Variants in FSCN1 observed in about 807,000 individuals in gnomAD.
FSCN1 encodes fascin.
Under a neutral mutation model 39.7 loss-of-function variants are expected in FSCN1, and 10 were observed. That is an observed-to-expected ratio of 0.25 (90% CI 0.16 to 0.43). The LOEUF (loss-of-function observed/expected upper bound fraction) is 0.43, where lower values mean the gene tolerates loss of function less well. Among genes scored for constraint, FSCN1 ranks in the 20% least tolerant of loss-of-function variants. The pLI is 1.00. For synonymous variants in FSCN1, 322 were observed against 320.0 expected, an observed-to-expected ratio of 1.01 and a Z score of -0.07; for missense variants, 525 against 723.8, an observed-to-expected ratio of 0.73 and a Z score of 3.15.
Position 5,605,310 on chromosome 7 carries a change from G to A in FSCN1, c.1318G>A (p.Ala440Thr), listed in dbSNP as rs371109603. 173 of 1,613,704 alleles carry A rather than the reference G, an allele frequency of 1.1e-4. No individual in the cohort carries two copies. The highest frequency in any genetic ancestry group is 1.3e-4 in the Non-Finnish European group (159 of 1,179,800). ...ATACTGGACGGTGGGCAGTGACTCC[G>A]CGGTCACCAGCAGCGGCGACACTCC... ...GKYWTVGSDS[A>T]VTSSGDTPVD... is the part of the protein sequence containing the mutation. The change falls in exon 5 of 5, where the codon GCG becomes ACG. Residue 440 changes from alanine (A) to threonine (T), a missense_variant. By Grantham distance (58) the Ala-to-Thr change is moderately conservative. Transcript: ENST00000382361. This position sits in a 1 kb window ranked among gnomAD's most constrained non-coding sequence, Gnocchi z 6.9.
At chr7:5,597,861 G>T (rs1785759197) in intron 1 of FSCN1, among the ~76,000 whole-genome samples, 1 of 152,088 alleles carries the variant, frequency 6.6e-6, no homozygotes, top group Non-Finnish European at 1.5e-5. Flanking sequence ...GTACCCGTGG[G>T]CCCGGCACAG....
intron 1 of FSCN1, among the ~76,000 whole-genome samples, chr7:5,595,609 G>T (rs73334462): frequency 0.034 from 5,107 of 151,434 alleles, 274 homozygotes; most frequent in African/African-American, 0.12. Flanking sequence ...TGGCAGGTAT[G>T]GGGGGGGTGC....
intron 1 of FSCN1, among the ~76,000 whole-genome samples, chr7:5,595,225 G>A (rs1785709583): frequency 6.6e-6 from 1 of 152,188 alleles, no homozygotes; most frequent in Non-Finnish European, 1.5e-5. Flanking sequence ...TGGGGGTGAG[G>A]GTGGAGGCCT....
chr7:5,600,732 C>T (rs560622446), intron 1 of FSCN1, among the ~76,000 whole-genome samples: 381 of 151,610 alleles, frequency 2.5e-3, no homozygotes, highest in African/African-American at 9.0e-3. Context: ...TGGCTCACTG[C>T]AAGCTCCACC....
Position 5,605,058 on chromosome 7 carries a change from C to G in FSCN1, c.1280-214C>G, listed in dbSNP as rs1785909025. Among the ~76,000 whole-genome samples, 1 of 152,232 alleles carries G rather than the reference C, an allele frequency of 6.6e-6. No homozygotes were observed. The highest frequency in any genetic ancestry group is 6.5e-5 in the Admixed American group (1 of 15,278). On this transcript the variant is annotated intron_variant, in intron 4 of 4. Transcript: ENST00000382361. This position sits in a 1 kb window ranked among gnomAD's most constrained non-coding sequence, Gnocchi z 6.9. Reference sequence around the variant, plus strand: ...AAAGTGCTGGGATTACAGGCGTGAGCCACTGCGGCCGAGCAGAACACGTTC... The same window carrying G: ...AAAGTGCTGGGATTACAGGCGTGAGGCACTGCGGCCGAGCAGAACACGTTC...
intron 1 of FSCN1, among the ~76,000 whole-genome samples, chr7:5,600,820 A>AT (rs538743716): frequency 4.8e-4 from 70 of 145,580 alleles, no homozygotes; most frequent in East Asian, 1.2e-3. Flanking sequence ...TGCCCGGCTA[A>AT]TTTTTTTTTT....
intron 1 of FSCN1, chr7:5,594,473 C>G (rs1785694625): frequency 6.6e-6 from 1 of 152,462 alleles, no homozygotes; most frequent in African/African-American, 2.4e-5. Flanking sequence ...CGACTGGGTC[C>G]TCCCTCGCCC....
intron 1 of FSCN1, among the ~76,000 whole-genome samples, chr7:5,595,609 G>C (rs73334462): frequency 2.0e-5 from 3 of 151,334 alleles, no homozygotes; most frequent in African/African-American, 7.3e-5. Flanking sequence ...TGGCAGGTAT[G>C]GGGGGGGTGC....
chr7:5,600,920 C>G (rs1785817886), intron 1 of FSCN1, among the ~76,000 whole-genome samples: 1 of 132,830 alleles, frequency 7.5e-6, no homozygotes, highest in South Asian at 2.4e-4. Flanking sequence ...TCCCAAAGTG[C>G]TGGGATTACA....
At chr7:5,602,578 G>A (rs775843476) in intron 1 of FSCN1, among the ~76,000 whole-genome samples, 7 of 152,130 alleles carry the variant, frequency 4.6e-5, no homozygotes, top group Non-Finnish European at 1.0e-4. Context: ...AAAAAACGAG[G>A]CCATTTTCTT....
chr7:5,593,930 G>A (rs1785680181), intron 1 of FSCN1, 162 bp downstream of exon 1: 5 of 584,790 alleles, frequency 8.6e-6, no homozygotes, highest in South Asian at 2.1e-5. Flanking sequence ...GCCTGGAGGG[G>A]GCGAGGAGTG....
rs756533788 is a variant in FSCN1, at chr7:5,603,537, G to A, written c.1031G>A (p.Arg344His). 26 of 1,614,004 alleles carry A rather than the reference G, an allele frequency of 1.6e-5. No individual in the cohort carries two copies. In the Admixed American group the frequency reaches 2.5e-4, roughly 16 times the overall value. ...CYFDIEWRDR[R>H]ITLRASNGKF... The stretch of plus-strand genomic sequence containing the variant: ...TTTGACATCGAGTGGCGTGACCGGC[G>A]CATCACACTGAGGGCGTCCAATGGC... Residue 344 changes from arginine (R) to histidine (H), a missense_variant, in exon 3 of 5, where the codon CGC (arginine) becomes CAC (histidine). Transcript: ENST00000382361. The surrounding 1 kb of genome is among the most constrained non-coding windows in gnomAD (Gnocchi z 8.5).
intron 1 of FSCN1, among the ~76,000 whole-genome samples, chr7:5,597,805 G>C (rs1584300129): frequency 1.3e-5 from 2 of 152,098 alleles, no homozygotes; most frequent in Admixed American, 6.5e-5. Context: ...GCCACTGTGA[G>C]GGGAGGACAG....
rs1311879148 is a variant in FSCN1, at chr7:5,592,920, T to A, written c.-17T>A. ...CACCTCCCGGGGCCGCGCAGCGGCCTCTCGTCTACTGCCACCATGACCGCC... is the reference window on the plus strand; with the variant it reads ...CACCTCCCGGGGCCGCGCAGCGGCCACTCGTCTACTGCCACCATGACCGCC... On this transcript the variant is annotated 5_prime_UTR_variant, in exon 1 of 5. Coordinates refer to ENST00000382361, the MANE Select transcript of FSCN1 (RefSeq NM_003088.4). The surrounding 1 kb of genome is among the most constrained non-coding windows in gnomAD (Gnocchi z 5.3). 39 of 1,451,862 alleles carry A rather than the reference T, an allele frequency of 2.7e-5. No individual in the cohort carries two copies. The highest frequency in any genetic ancestry group is 4.3e-4 in the Middle Eastern group (2 of 4,604). The allele number at this position is 1,451,862 out of a possible 1,614,324, so 89.9% of individuals were successfully genotyped here.
At chr7:5,594,616 G>A (rs1197589308) in intron 1 of FSCN1, 1 of 152,068 alleles carries the variant, frequency 6.6e-6, no homozygotes, top group African/African-American at 2.4e-5. Flanking sequence ...GGGTCCCGAG[G>A]TTCCCCAGGA....
Position 5,603,233 on chromosome 7 carries a change from C to G in FSCN1, c.833-24C>G, listed in dbSNP as rs755124374. On this transcript the variant is annotated intron_variant, in intron 1 of 4. Transcript: ENST00000382361. This position sits in a 1 kb window ranked among gnomAD's most constrained non-coding sequence, Gnocchi z 8.5. Reference sequence around the variant, plus strand: ...ACTAGGGGGCGTGGGGCCCCAGTACCAGCCCAAGGCCTCCTCTCTGCAGGT... The same window carrying G: ...ACTAGGGGGCGTGGGGCCCCAGTACGAGCCCAAGGCCTCCTCTCTGCAGGT... The G allele has an allele frequency of 1.9e-6, 3 of 1,610,834 alleles. No homozygotes were observed. In the East Asian group the frequency reaches 6.7e-5, roughly 36 times the overall value.
chr7:5,600,751 T>G (rs1402763258), intron 1 of FSCN1, among the ~76,000 whole-genome samples: 2 of 151,858 alleles, frequency 1.3e-5, no homozygotes, highest in Non-Finnish European at 2.9e-5. Context: ...CCTCCCGGGT[T>G]CACGCCATTC....
rs1303216304 is a variant in FSCN1, at chr7:5,593,731, G to A, written c.795G>A (p.Leu265=). The A allele has an allele frequency of 6.3e-7, 1 of 1,591,546 alleles. No individual in the cohort carries two copies. Among genetic ancestry groups the A allele is most frequent in the East Asian group, 2.3e-5 (1 of 44,312 alleles). The change falls in exon 1 of 5, where the codon CTG becomes CTA. Residue 265 remains leucine, a synonymous_variant. Transcript: ENST00000382361. ...AGCAGAGCTGCGCCCAGGTCGTGCT[G>A]CAGGCGGCCAACGAGAGGAACGTGT... is the stretch of plus-strand genomic sequence containing the variant. ...ALEQSCAQVV[L]QAANERNVST...
At chr7:5,600,820 ATT>A (rs538743716) in intron 1 of FSCN1, among the ~76,000 whole-genome samples, 1 of 145,618 alleles carries the variant, frequency 6.9e-6, no homozygotes, top group Non-Finnish European at 1.5e-5. Flanking sequence ...TGCCCGGCTA[ATT>A]TTTTTTTTTT....
Sources: gnomAD v4.1 joint callset for allele counts (sites outside exome capture counted in the v4.1 genomes callset) on GRCh38, gnomAD v4.1.1 for gene constraint, Gnocchi (gnomAD v3.1) non-coding constraint, MANE v1.5 for transcripts, NCBI Gene and HGNC (gene_info 2026-07-23, HGNC 2026-07-21) for gene names.